The following DOCK4 variants were observed in gnomAD, a reference collection of about 807,000 sequenced individuals.
The protein encoded by DOCK4 is dedicator of cytokinesis 4.
DOCK4 carries 97 observed loss-of-function variants against 268.1 expected under a neutral mutation model. The observed-to-expected ratio is 0.36, with a 90% CI of 0.31 to 0.43. The LOEUF (loss-of-function observed/expected upper bound fraction) is 0.43. Ranked by LOEUF, DOCK4 falls within the 20% of genes least tolerant of loss-of-function variation. DOCK4 has a pLI of 1.00. For missense variants in DOCK4, 2,145 were observed against 2,455.7 expected, an observed-to-expected ratio of 0.87 and a Z score of 2.67; for synonymous variants, 954 against 887.2, an observed-to-expected ratio of 1.08 and a Z score of -1.34.
intron 1 of DOCK4, among the ~76,000 whole-genome samples, chr7:112,050,858 C>G (rs1805289581): frequency 6.6e-6 from 1 of 152,094 alleles, no homozygotes; most frequent in African/African-American, 2.4e-5. Context: ...AATCCAAATT[C>G]TGAAGCTAGA....
chr7:112,100,642 A>ATCTT (rs1170092576), intron 1 of DOCK4, among the ~76,000 whole-genome samples: 1 of 152,246 alleles, frequency 6.6e-6, no homozygotes, highest in African/African-American at 2.4e-5. Context: ...GATTGCATAT[A>ATCTT]TCAAAGTGCA....
In DOCK4 at chr7:111,769,569, T is replaced by C; in HGVS notation, c.3788A>G (p.His1263Arg). The C allele has an allele frequency of 6.2e-7, 1 of 1,613,760 alleles. No individual in the cohort carries two copies. Among genetic ancestry groups the C allele is most frequent in the South Asian group, 1.1e-5 (1 of 91,070 alleles). ...PMQTEWQRKE[H>R]LHLTIIQNFD... is the part of the protein sequence containing the mutation. ...GTTCTGGATGATGGTGAGGTGCAGG[T>C]GCTCTTTGCGCTGCCATTCTGTTTG... The change falls in exon 37 of 53, where the codon CAC (histidine) becomes CGC (arginine). Residue 1263 changes from histidine to arginine, a missense_variant. This residue lies in a region of DOCK4 where 1,598 missense variants were observed against 1,986.7 expected (regional missense o/e 0.80). Transcript: ENST00000428084.
chr7:111,894,542 AG>A (rs1808579392), intron 16 of DOCK4, among the ~76,000 whole-genome samples: 1 of 152,176 alleles, frequency 6.6e-6, no homozygotes, highest in African/African-American at 2.4e-5. Context: ...GCCAGGAAGC[AG>A]GGGACAGTTT....
intron 1 of DOCK4, among the ~76,000 whole-genome samples, chr7:112,014,692 C>A (rs1412149866): frequency 1.3e-5 from 2 of 152,096 alleles, no homozygotes; most frequent in Non-Finnish European, 2.9e-5. Flanking sequence ...AAAAATTAAG[C>A]CCACTGCCTT....
At chr7:112,200,725 TAA>T (rs1335683859) in intron 1 of DOCK4, among the ~76,000 whole-genome samples, 1 of 102,766 alleles carries the variant, frequency 9.7e-6, no homozygotes, top group African/African-American at 3.3e-5. Context: ...GCCTCTAAAA[TAA>T]AAAAAAAAAA....
At position 112,151,961 on chromosome 7, in the gene DOCK4, TAA is replaced by T. The variant is rs57613263; in HGVS notation, c.37+54139_37+54140del. ...TTTAACTAGAGCACCAAACTGTTAT[TAA>T]AAAAAAAAAAAAAAACTAATTCTAG... is the stretch of plus-strand genomic sequence containing the variant. On this transcript the variant is annotated intron_variant, in intron 1 of 52. Coordinates refer to ENST00000428084, the MANE Select transcript of DOCK4 (RefSeq NM_001363540.2). Among the ~76,000 whole-genome samples the T allele has an allele frequency of 8.5e-4, 111 of 131,202 alleles. 1 individual carries two copies. The highest frequency in any genetic ancestry group is 2.7e-3 in the African/African-American group (98 of 36,880). The allele number at this position is 131,202 out of a possible 152,430, so 86.1% of individuals were successfully genotyped here. A position where few individuals can be genotyped will look rare whatever the true frequency, so the allele number is the denominator to read the frequency against.
At chr7:112,097,054 C>CA (rs1031565027) in intron 1 of DOCK4, among the ~76,000 whole-genome samples, 6 of 152,002 alleles carry the variant, frequency 3.9e-5, no homozygotes, top group African/African-American at 1.2e-4. Context: ...CTGGTTACCG[C>CA]AAAAAGCCAA....
intron 1 of DOCK4, among the ~76,000 whole-genome samples, chr7:112,071,014 C>G (rs538432776): frequency 6.6e-6 from 1 of 152,246 alleles, no homozygotes; most frequent in Non-Finnish European, 1.5e-5. Context: ...AAACAAAAAG[C>G]CTTCAGGCAA....
At chr7:111,838,176 GC>G (rs1310489833) in intron 25 of DOCK4, among the ~76,000 whole-genome samples, 1 of 150,172 alleles carries the variant, frequency 6.7e-6, no homozygotes, top group Non-Finnish European at 1.5e-5. Flanking sequence ...TCCTAGCATA[GC>G]TTTGGGGATT....
intron 11 of DOCK4, 36 bp from the exon 12 acceptor site, chr7:111,935,664 A>G (rs988588761): frequency 1.8e-5 from 28 of 1,549,716 alleles, no homozygotes; most frequent in African/African-American, 5.4e-5. Context: ...AGCTTTAATG[A>G]TGCATGCAGT....
At chr7:111,841,017 A>G in intron 25 of DOCK4, 1 of 403,354 alleles carries the variant, frequency 2.5e-6, no homozygotes, top group East Asian at 7.3e-5. Flanking sequence ...TCATGATATG[A>G]CTGTGACTTC....
At chr7:112,100,684 T>C (rs1298911290) in intron 1 of DOCK4, among the ~76,000 whole-genome samples, 1 of 152,218 alleles carries the variant, frequency 6.6e-6, no homozygotes, top group African/African-American at 2.4e-5. Context: ...ATCTCCCTGA[T>C]TAGACTCAGA....
chr7:111,960,103 C>T (rs1236103958), intron 8 of DOCK4, among the ~76,000 whole-genome samples: 2 of 151,850 alleles, frequency 1.3e-5, no homozygotes, highest in Admixed American at 6.6e-5. Context: ...CAGTGGCTCA[C>T]GCCTGTTATC....
At chr7:111,895,563 T>C (rs1355083310) in intron 16 of DOCK4, 49 bp downstream of exon 16, 7 of 1,493,362 alleles carry the variant, frequency 4.7e-6, no homozygotes, top group Non-Finnish European at 6.5e-6. Context: ...TGAGGTGTTA[T>C]TTCAGCACTG....
At chr7:111,896,040 A>G (rs762809784) in intron 15 of DOCK4, among the ~76,000 whole-genome samples, 1 of 152,174 alleles carries the variant, frequency 6.6e-6, no homozygotes, top group Non-Finnish European at 1.5e-5. Context: ...TTATCTGTTT[A>G]TTGTTTCAAA....
intron 1 of DOCK4, among the ~76,000 whole-genome samples, chr7:112,063,030 C>A (rs1806576390): frequency 6.6e-6 from 1 of 152,184 alleles, no homozygotes; most frequent in Non-Finnish European, 1.5e-5. Flanking sequence ...TGTATCTACA[C>A]ACAGTTGCCT....
Position 111,739,450 on chromosome 7 carries a change from A to G in DOCK4, c.5068T>C (p.Ser1690Pro), listed in dbSNP as rs1795742821. 3 of 1,573,058 alleles carry G rather than the reference A, an allele frequency of 1.9e-6. No individual in the cohort carries two copies. The highest frequency in any genetic ancestry group is 2.7e-5 in the African/African-American group (2 of 74,034). Residue 1690 changes from serine (S) to proline (P), a missense_variant, in exon 48 of 53, where the codon TCT becomes CCT. This residue lies in a region of DOCK4 where 547 missense variants were observed against 469.0 expected (regional missense o/e 1.17). Coordinates refer to ENST00000428084, the MANE Select transcript of DOCK4 (RefSeq NM_001363540.2). Reference sequence around the variant, plus strand: ...ACATTAGGTGAAGCCGAGTGAGTAGAACTCAAGCTTGAGGTAGATGGACTT... The same window carrying G: ...ACATTAGGTGAAGCCGAGTGAGTAGGACTCAAGCTTGAGGTAGATGGACTT... Reference protein sequence around the residue: ...QPSPSTSSLSSTHSASPNVTS... With the variant: ...QPSPSTSSLSPTHSASPNVTS...
At chr7:112,047,764 C>T (rs1364098517) in intron 1 of DOCK4, among the ~76,000 whole-genome samples, 2 of 152,184 alleles carry the variant, frequency 1.3e-5, no homozygotes, top group African/African-American at 4.8e-5. Context: ...ATGATTATAG[C>T]TCACCACAGC....
chr7:111,909,934 C>G (rs1015225585), intron 13 of DOCK4, among the ~76,000 whole-genome samples: 3 of 151,030 alleles, frequency 2.0e-5, no homozygotes, highest in African/African-American at 7.3e-5. Context: ...TACACTCCAG[C>G]CTGAGTAACA....
Sources: gnomAD v4.1 joint callset for allele counts (sites outside exome capture counted in the v4.1 genomes callset) on GRCh38, gnomAD v4.1.1 for gene constraint, gnomAD v4.1.1 regional missense constraint, MANE v1.5 for transcripts, NCBI Gene and HGNC (gene_info 2026-07-23, HGNC 2026-07-21) for gene names.